EPHA2: variants seen among roughly 807,000 people sequenced by gnomAD.
EPHA2 encodes the protein ephrin type-A receptor 2.
Under a neutral mutation model 104.9 loss-of-function variants are expected in EPHA2, and 54 were observed. The observed-to-expected ratio is 0.51, with a 90% CI of 0.41 to 0.65. The LOEUF is 0.65. Ranked by LOEUF, EPHA2 falls within the 30% of genes least tolerant of loss-of-function variation. The pLI, the probability that EPHA2 is intolerant of heterozygous loss-of-function variation, is 0.00. For missense variants in EPHA2, 1,117 were observed against 1,369.5 expected (o/e 0.82, Z 2.91); for synonymous variants, 560 against 559.1 (o/e 1.00, Z -0.02).
chr1:16,150,738 C>G lies in EPHA2; in HGVS notation c.153+158G>C, dbSNP rs1337322032. 6.6e-6 allele frequency among the ~76,000 whole-genome samples: 1 copy of G among 152,210 alleles called. No homozygotes were observed. Among genetic ancestry groups the G allele is most frequent in the Non-Finnish European group, 1.5e-5 (1 of 68,038 alleles). Reference sequence around the variant, plus strand: ...CAGCCCTGGCCTGGGCCGGCTGACTCTGAGCCTGGTGTGAGAAGCTGGACC... The same window carrying G: ...CAGCCCTGGCCTGGGCCGGCTGACTGTGAGCCTGGTGTGAGAAGCTGGACC... On this transcript the variant is annotated intron_variant, in intron 2 of 16. Transcript: ENST00000358432. The surrounding 1 kb of genome is among the most constrained non-coding windows in gnomAD (Gnocchi z 4.8).
At chr1:16,153,081 AG>A in intron 1 of EPHA2, 1 of 966,954 alleles carries the variant, frequency 1.0e-6, no homozygotes, top group Non-Finnish European at 1.2e-6. Context: ...TAGGCTAAGC[AG>A]GGCTTATCCA....
At chr1:16,127,006 A>T (rs1420478391) in intron 16 of EPHA2, among the ~76,000 whole-genome samples, 3 of 152,110 alleles carry the variant, frequency 2.0e-5, no homozygotes. Flanking sequence ...TTGCTGGGCC[A>T]CCTCTGGTCC....
chr1:16,135,087 T>C lies in EPHA2; in HGVS notation c.1531A>G (p.Thr511Ala), dbSNP rs1022316708. Reference sequence around the variant, plus strand: ...CTGCCGGCCCCCTGGCCCTCCTGCGTCAGTGCCTGCACCTGGACCAGGTAG... The same window carrying C: ...CTGCCGGCCCCCTGGCCCTCCTGCGCCAGTGCCTGCACCTGGACCAGGTAG... Reference protein sequence around the residue: ...TTYLVQVQALTQEGQGAGSKV... With the variant: ...TTYLVQVQALAQEGQGAGSKV... The change falls in exon 7 of 17, where the codon ACG becomes GCG. Residue 511 changes from threonine to alanine, a missense_variant. This residue lies in a region of EPHA2 where 664 missense variants were observed against 784.8 expected (regional missense o/e 0.85). Coordinates refer to ENST00000358432, the MANE Select transcript of EPHA2 (RefSeq NM_004431.5). This position sits in a 1 kb window ranked among gnomAD's most constrained non-coding sequence, Gnocchi z 4.3. 6.2e-7 allele frequency: 1 copy of C among 1,613,826 alleles called. No homozygotes were observed. Among genetic ancestry groups the C allele is most frequent in the Non-Finnish European group, 8.5e-7 (1 of 1,180,012 alleles).
Position 16,137,993 on chromosome 1 carries a change from C to T in EPHA2, c.1172G>A (p.Gly391Glu). ...CACTGTCACACTGGTGCGGGTCAGTCCGTGAGGAGGCTCCGAGTAGCGCAC... is the reference window on the plus strand; with the variant it reads ...CACTGTCACACTGGTGCGGGTCAGTTCGTGAGGAGGCTCCGAGTAGCGCAC... ...ASVRYSEPPH[G>E]LTRTSVTVSD... The change falls in exon 5 of 17, where the codon GGA becomes GAA. Residue 391 changes from glycine (G) to glutamate (E), a missense_variant. Transcript: ENST00000358432. 6.2e-7 allele frequency: 1 copy of T among 1,614,094 alleles called. No individual in the cohort carries two copies. Among genetic ancestry groups the T allele is most frequent in the Non-Finnish European group, 8.5e-7 (1 of 1,180,038 alleles).
At chr1:16,139,538 G>T (rs771890896) in intron 3 of EPHA2, among the ~76,000 whole-genome samples, 3 of 152,234 alleles carry the variant, frequency 2.0e-5, no homozygotes, top group Non-Finnish European at 4.4e-5. Flanking sequence ...ACCTGACAAG[G>T]TCTGCAAGAC....
intron 16 of EPHA2, among the ~76,000 whole-genome samples, chr1:16,129,010 T>A (rs2124191451): frequency 1.3e-5 from 2 of 151,936 alleles, no homozygotes; most frequent in East Asian, 3.9e-4. Flanking sequence ...GGGCCTGGAA[T>A]CCTGCTCTCC....
At chr1:16,143,332 G>A (rs886669636) in intron 3 of EPHA2, among the ~76,000 whole-genome samples, 4 of 151,984 alleles carry the variant, frequency 2.6e-5, no homozygotes, top group African/African-American at 9.7e-5. Context: ...TGCACTCCAG[G>A]GCCAGAGAAA....
intron 3 of EPHA2, among the ~76,000 whole-genome samples, chr1:16,141,066 AT>A (rs1195768214): frequency 6.6e-6 from 1 of 152,138 alleles, no homozygotes; most frequent in African/African-American, 2.4e-5. Context: ...GAACACTTCA[AT>A]TTGGAGCAAA....
At chr1:16,149,089 G>A (rs1378071373) in intron 2 of EPHA2, 42 bp from the exon 3 acceptor site, 11 of 1,602,010 alleles carry the variant, frequency 6.9e-6, no homozygotes, top group Non-Finnish European at 9.3e-6. Flanking sequence ...AGGTGCCTGG[G>A]GAAACTGAGG....
chr1:16,154,811 TC>T (rs1047080322), intron 1 of EPHA2, among the ~76,000 whole-genome samples: 2 of 141,406 alleles, frequency 1.4e-5, no homozygotes, highest in African/African-American at 5.2e-5. Flanking sequence ...CCAAGTTTCC[TC>T]CCGGCTTCCC....
At chr1:16,147,383 C>T (rs983655607) in intron 3 of EPHA2, among the ~76,000 whole-genome samples, 6 of 152,232 alleles carry the variant, frequency 3.9e-5, no homozygotes, top group African/African-American at 9.6e-5. Flanking sequence ...CCAAAAGCTC[C>T]GCGGGTGATC....
chr1:16,149,534 G>C lies in EPHA2; in HGVS notation c.154-487C>G, dbSNP rs151314607. ...CATGTGTGTTGGCAAACGCAGGAGT[G>C]GCATTAAGTCAAAAACAACGGATGA... On this transcript the variant is annotated intron_variant, in intron 2 of 16. Transcript: ENST00000358432. Among the ~76,000 whole-genome samples the C allele has an allele frequency of 6.6e-5, 10 of 152,284 alleles. No individual in the cohort carries two copies. The East Asian group carries it at 1.9e-3, about 29-fold the overall frequency.
rs755277063 is a variant in EPHA2 at position 16,125,311 on chromosome 1, CT to C, written c.2834del (p.Lys945ArgfsTer25). On this transcript the variant is annotated frameshift_variant, in exon 17 of 17. Coordinates refer to ENST00000358432, the MANE Select transcript of EPHA2 (RefSeq NM_004431.5). LOFTEE classifies it high-confidence loss of function. This position sits in a 1 kb window ranked among gnomAD's most constrained non-coding sequence, Gnocchi z 4.9. ...KVVQMTNDDI[K>X]RIGVRLPGHQ... ...GGCCGGGCAGCCGCACCCCAATCCT[CT>C]TGATGTCGCTGTGGGCCGGGAGGGA... is the stretch of plus-strand genomic sequence containing the variant. The C allele has an allele frequency of 2.1e-6, 3 of 1,435,010 alleles. No homozygotes were observed. The highest frequency in any genetic ancestry group is 9.4e-7 in the Non-Finnish European group (1 of 1,067,346). 88.9% of individuals were successfully genotyped at this position (1,435,010 alleles called of 1,614,324 possible). A position where few individuals can be genotyped will look rare whatever the true frequency, so the allele number is the denominator to read the frequency against.
In EPHA2 at chr1:16,130,425, G is replaced by A. The variant is rs766681962; in HGVS notation, c.2476-6C>T. ...TCATTGATGGCTTTCATCACCTGGCGGGGCACGAAGGTCAGGGGCGCTGTT... is the reference window on the plus strand; with the variant it reads ...TCATTGATGGCTTTCATCACCTGGCAGGGCACGAAGGTCAGGGGCGCTGTT... On this transcript the variant is annotated splice_region_variant and splice_polypyrimidine_tract_variant and intron_variant, in intron 14 of 16. Coordinates refer to ENST00000358432, the MANE Select transcript of EPHA2 (RefSeq NM_004431.5). This position sits in a 1 kb window ranked among gnomAD's most constrained non-coding sequence, Gnocchi z 4.5. The A allele has an allele frequency of 7.1e-6, 11 of 1,542,636 alleles. No homozygotes were observed. Among genetic ancestry groups the A allele is most frequent in the Middle Eastern group, 2.1e-4 (1 of 4,800 alleles).
In EPHA2 at chr1:16,133,896, G is replaced by A. The variant is rs1237325567; in HGVS notation, c.1702C>T (p.Arg568Cys). 13 of 1,550,646 alleles carry A rather than the reference G, an allele frequency of 8.4e-6. No individual in the cohort carries two copies. Among genetic ancestry groups the A allele is most frequent in the South Asian group, 2.4e-5 (2 of 83,928 alleles). Reference sequence around the variant, plus strand: ...AAGTAAACGTCCTCCGGGGACTGGCGGGCACGCTGGTTCTTCCTCCTGAAA... The same window carrying A: ...AAGTAAACGTCCTCCGGGGACTGGCAGGCACGCTGGTTCTTCCTCCTGAAA... ...IHRRRKNQRA[R>C]QSPEDVYFSK... is the part of the protein sequence containing the mutation. The change falls in exon 9 of 17, where the codon CGC becomes TGC. Residue 568 changes from arginine to cysteine, a missense_variant. Arg to Cys is a radical substitution (Grantham distance 180). Transcript: ENST00000358432.
chr1:16,155,655 T>C (rs1004382881), intron 1 of EPHA2, 193 bp downstream of exon 1: 1 of 443,040 alleles, frequency 2.3e-6, no homozygotes, highest in Non-Finnish European at 3.9e-6. Context: ...AAACCGCTTA[T>C]TCTCCGGAGC....
intron 2 of EPHA2, 144 bp from the exon 3 acceptor site, chr1:16,149,191 G>A: frequency 1.1e-6 from 1 of 886,540 alleles, no homozygotes; most frequent in Non-Finnish European, 1.8e-6. Context: ...GAGGCGGGTG[G>A]GGGCTGCATC....
Position 16,125,193 on chromosome 1 carries a change from G to A in EPHA2, c.*22C>T, listed in dbSNP as rs2024440919. The A allele has an allele frequency of 6.2e-7, 1 of 1,608,342 alleles. No homozygotes were observed. The highest frequency in any genetic ancestry group is 1.3e-5 in the African/African-American group (1 of 74,772). On this transcript the variant is annotated 3_prime_UTR_variant, in exon 17 of 17. Transcript: ENST00000358432. This position sits in a 1 kb window ranked among gnomAD's most constrained non-coding sequence, Gnocchi z 4.9. ...TTTCTTCAAGTATTCTTGGCCGATG[G>A]GGCTCCAGGCCCTGTCGAGGCTCAG... is the stretch of plus-strand genomic sequence containing the variant.
intron 16 of EPHA2, among the ~76,000 whole-genome samples, chr1:16,126,953 A>G (rs1320603876): frequency 6.6e-6 from 1 of 152,178 alleles, no homozygotes; most frequent in African/African-American, 2.4e-5. Flanking sequence ...TGTCTGCTGC[A>G]TGAATGCATG....
Sources: gnomAD v4.1 joint callset for allele counts (sites outside exome capture counted in the v4.1 genomes callset) on GRCh38, gnomAD v4.1.1 for gene constraint, gnomAD v4.1.1 regional missense constraint, Gnocchi (gnomAD v3.1) non-coding constraint, MANE v1.5 for transcripts, NCBI Gene and HGNC (gene_info 2026-07-23, HGNC 2026-07-21) for gene names.